SH3PXD2B: variants seen among roughly 807,000 people sequenced by gnomAD.
The protein encoded by SH3PXD2B is SH3 and PX domain-containing protein 2B.
Under a neutral mutation model 73.1 loss-of-function variants are expected in SH3PXD2B, and 37 were observed. The observed-to-expected ratio is 0.51, with a 90% CI of 0.39 to 0.67. The LOEUF (loss-of-function observed/expected upper bound fraction) is 0.67, where lower values mean the gene tolerates loss of function less well. SH3PXD2B is among the 30% of genes least tolerant of loss of function. The pLI is 0.00. For synonymous variants in SH3PXD2B, 457 were observed against 480.5 expected (o/e 0.95, Z 0.64); for missense variants, 1,053 against 1,197.8 (o/e 0.88, Z 1.78).
rs759047109 is a variant in SH3PXD2B at position 172,350,351 on chromosome 5, G to T, written c.1012+12C>A. The T allele has an allele frequency of 1.4e-5, 22 of 1,612,660 alleles. No homozygotes were observed. Among genetic ancestry groups the T allele is most frequent in the Middle Eastern group, 1.8e-4 (1 of 5,606 alleles). ...GCCCTGATTATCAGGAGCTTGGGCG[G>T]GTGTCACTCACTCTGCTTGGCGTCA... On this transcript the variant is annotated intron_variant, in intron 10 of 12. Transcript: ENST00000311601.
chr5:172,344,893 C>A (rs1201390397), intron 12 of SH3PXD2B, among the ~76,000 whole-genome samples: 1 of 150,938 alleles, frequency 6.6e-6, no homozygotes, highest in African/African-American at 2.4e-5. Flanking sequence ...GAGCTGCTGG[C>A]AAGCTGGAGT....
intron 1 of SH3PXD2B, among the ~76,000 whole-genome samples, chr5:172,443,484 ACCTC>A (rs1427536707): frequency 6.6e-6 from 1 of 152,102 alleles, no homozygotes; most frequent in Non-Finnish European, 1.5e-5. Flanking sequence ...CTGACAGTGC[ACCTC>A]TCTGTCCCAG....
At chr5:172,440,918 G>A (rs1026730298) in intron 1 of SH3PXD2B, among the ~76,000 whole-genome samples, 2 of 152,046 alleles carry the variant, frequency 1.3e-5, no homozygotes, top group Non-Finnish European at 2.9e-5. Flanking sequence ...GTCTCTTGGG[G>A]GCTGCTGTGA....
chr5:172,424,986 T>C (rs1759062522), intron 1 of SH3PXD2B, among the ~76,000 whole-genome samples: 2 of 152,076 alleles, frequency 1.3e-5, no homozygotes, highest in African/African-American at 4.8e-5. Flanking sequence ...CCTTCTTCCT[T>C]GTTTGCGCTC....
rs767993650 is a variant in SH3PXD2B, at chr5:172,339,227, C to T, written c.1878G>A (p.Lys626=). ...SKSKTDLPEE[K]PDATPQNPFL... ...AGGGATTCTGGGGAGTGGCATCTGG[C>T]TTCTCCTCTGGCAGGTCAGTTTTGG... The change falls in exon 13 of 13, where the codon AAG becomes AAA. Residue 626 remains lysine, a synonymous_variant. Coordinates refer to ENST00000311601, the MANE Select transcript of SH3PXD2B (RefSeq NM_001017995.3). This position sits in a 1 kb window ranked among gnomAD's most constrained non-coding sequence, Gnocchi z 6.1. The T allele has an allele frequency of 1.2e-6, 2 of 1,614,132 alleles. No individual in the cohort carries two copies. Among genetic ancestry groups the T allele is most frequent in the East Asian group, 4.5e-5 (2 of 44,896 alleles).
rs374935360 is a variant in SH3PXD2B at position 172,357,408 on chromosome 5, A to G, written c.667+1365T>C. On this transcript the variant is annotated intron_variant, in intron 8 of 12. Coordinates refer to ENST00000311601, the MANE Select transcript of SH3PXD2B (RefSeq NM_001017995.3). Reference sequence around the variant, plus strand: ...CACTGTACTCCAGCCTGGGAGACAGAGCAAGACTCTGTCTCAAAAAAAAAA... The same window carrying G: ...CACTGTACTCCAGCCTGGGAGACAGGGCAAGACTCTGTCTCAAAAAAAAAA... Among the ~76,000 whole-genome samples the G allele has an allele frequency of 1.8e-3, 273 of 151,818 alleles. 1 individual carries two copies. Among genetic ancestry groups the G allele is most frequent in the African/African-American group, 6.4e-3 (264 of 41,352 alleles).
chr5:172,359,995 A>C (rs1334790535), intron 7 of SH3PXD2B, among the ~76,000 whole-genome samples: 1 of 152,166 alleles, frequency 6.6e-6, no homozygotes, highest in African/African-American at 2.4e-5. Context: ...GATCTGGAAA[A>C]GGCAAGGAAA....
At chr5:172,400,922 G>T (rs1241674463) in intron 3 of SH3PXD2B, among the ~76,000 whole-genome samples, 1 of 152,178 alleles carries the variant, frequency 6.6e-6, no homozygotes, top group Non-Finnish European at 1.5e-5. Flanking sequence ...AAGTGTTACA[G>T]CAAATTCTAA....
intron 12 of SH3PXD2B, among the ~76,000 whole-genome samples, chr5:172,341,151 C>G (rs1441860918): frequency 6.6e-6 from 1 of 152,190 alleles, no homozygotes; most frequent in South Asian, 2.1e-4. Flanking sequence ...CTATTATGGG[C>G]TGAATTGTGT....
At position 172,336,996 on chromosome 5, in the gene SH3PXD2B, C is replaced by A; in HGVS notation, c.*1373G>T. ...CTTGGTTACCTGCCTCCCTATGGGACCGCTGCATGCTATGCTCAGAGCCCT... is the reference window on the plus strand; with the variant it reads ...CTTGGTTACCTGCCTCCCTATGGGAACGCTGCATGCTATGCTCAGAGCCCT... On this transcript the variant is annotated 3_prime_UTR_variant, in exon 13 of 13. Coordinates refer to ENST00000311601, the MANE Select transcript of SH3PXD2B (RefSeq NM_001017995.3). 3 of 985,520 alleles carry A rather than the reference C, an allele frequency of 3.0e-6. No individual in the cohort carries two copies. The allele number at this position is 985,520 out of a possible 1,614,324, so 61.0% of individuals were successfully genotyped here.
At chr5:172,396,763 G>A (rs982511265) in intron 3 of SH3PXD2B, among the ~76,000 whole-genome samples, 6 of 151,896 alleles carry the variant, frequency 4.0e-5, no homozygotes, top group South Asian at 2.1e-4. Flanking sequence ...CCTGGCCAAC[G>A]TGGTAAAACC....
At chr5:172,419,029 G>A (rs560524403) in intron 2 of SH3PXD2B, among the ~76,000 whole-genome samples, 3 of 152,250 alleles carry the variant, frequency 2.0e-5, no homozygotes, top group South Asian at 2.1e-4. Flanking sequence ...ACTGAGCCAG[G>A]TGCGTCCGCT....
At chr5:172,414,495 G>A (rs1758775534) in intron 2 of SH3PXD2B, among the ~76,000 whole-genome samples, 1 of 151,224 alleles carries the variant, frequency 6.6e-6, no homozygotes. Context: ...AAGGGGATGG[G>A]TCAGTCCTAG....
At chr5:172,329,083 A>ATATTTTTTT (rs58472514), downstream of SH3PXD2B, among the ~76,000 whole-genome samples, 561 of 61,666 alleles carry the variant, frequency 9.1e-3, 6 homozygotes, top group Middle Eastern at 0.015. Context: ...ATATATATAT[A>ATATTTTTTT]TTTTTTTTTT....
chr5:172,423,551 G>T (rs895023066), intron 1 of SH3PXD2B, among the ~76,000 whole-genome samples: 11 of 147,978 alleles, frequency 7.4e-5, no homozygotes, highest in South Asian at 2.3e-4. Flanking sequence ...GGGTTGGGGG[G>T]GGGGGCGCAC....
chr5:172,341,479 C>T (rs1756848232), intron 12 of SH3PXD2B, among the ~76,000 whole-genome samples: 2 of 152,132 alleles, frequency 1.3e-5, no homozygotes, highest in Admixed American at 1.3e-4. Context: ...CTCTCTTGCT[C>T]CTGCTCTTGC....
At chr5:172,325,438 T>A in intron 12 of SH3PXD2B, 2 of 1,184,566 alleles carry the variant, frequency 1.7e-6, no homozygotes, top group East Asian at 2.6e-5. Flanking sequence ...AACGAAAGAC[T>A]AACGTGGCCT....
At chr5:172,389,057 CTTTTTT>C (rs113765077) in intron 4 of SH3PXD2B, among the ~76,000 whole-genome samples, 1 of 136,544 alleles carries the variant, frequency 7.3e-6, no homozygotes. Flanking sequence ...TTTACTTTTT[CTTTTTT>C]TTTTTTTTTT....
At chr5:172,346,738 T>C (rs894775442) in intron 11 of SH3PXD2B, among the ~76,000 whole-genome samples, 1 of 152,026 alleles carries the variant, frequency 6.6e-6, no homozygotes, top group African/African-American at 2.4e-5. Flanking sequence ...ATCGGCACGC[T>C]GCATGGCACG....
Sources: gnomAD v4.1 joint callset for allele counts (sites outside exome capture counted in the v4.1 genomes callset) on GRCh38, gnomAD v4.1.1 for gene constraint, Gnocchi (gnomAD v3.1) non-coding constraint, MANE v1.5 for transcripts, NCBI Gene and HGNC (gene_info 2026-07-23, HGNC 2026-07-21) for gene names.